Variants in IL34 observed in about 807,000 individuals in gnomAD.
IL34 encodes interleukin-34.
Under a neutral mutation model 25.3 loss-of-function variants are expected in IL34, and 17 were observed. The observed-to-expected ratio is 0.67, with a 90% CI of 0.46 to 1.01. The LOEUF is 1.01. Among genes scored for constraint, IL34 ranks in the 50% least tolerant of loss-of-function variants. The pLI is 0.00. For synonymous variants in IL34, 174 were observed against 140.9 expected (o/e 1.23, Z -1.66); for missense variants, 368 against 312.9 (o/e 1.18, Z -1.33).
intron 1 of IL34, among the ~76,000 whole-genome samples, chr16:70,625,467 G>T (rs554197733): frequency 6.6e-6 from 1 of 152,094 alleles, no homozygotes; most frequent in Admixed American, 6.5e-5. Context: ...GGGGTTGAGG[G>T]GTACTTGCCC....
In IL34 at chr16:70,646,983, C is replaced by T. The variant is rs2051949908; in HGVS notation, c.28+8C>T. ...GCTTCACCTGGCTGCGCTGTGAGTA[C>T]TGGGGGGTCCCTAGGGACCTGCATT... On this transcript the variant is annotated splice_region_variant and intron_variant, in intron 1 of 5. Coordinates refer to ENST00000288098, the MANE Select transcript of IL34 (RefSeq NM_001393494.1). 2 of 1,454,852 alleles carry T rather than the reference C, an allele frequency of 1.4e-6. No homozygotes were observed. The highest frequency in any genetic ancestry group is 1.8e-6 in the Non-Finnish European group (2 of 1,112,348). The allele number at this position is 1,454,852 out of a possible 1,614,324, so 90.1% of individuals were successfully genotyped here. A position where few individuals can be genotyped will look rare whatever the true frequency, so the allele number is the denominator to read the frequency against.
At chr16:70,623,937 T>G (rs963663273) in intron 1 of IL34, among the ~76,000 whole-genome samples, 1 of 140,760 alleles carries the variant, frequency 7.1e-6, no homozygotes, top group African/African-American at 2.6e-5. Context: ...TAATGTGGAG[T>G]GGGTAGCCTC....
chr16:70,595,305 CCTT>C (rs956462558), intron 1 of IL34, among the ~76,000 whole-genome samples: 6 of 151,334 alleles, frequency 4.0e-5, no homozygotes, highest in African/African-American at 7.3e-5. Context: ...GTTTTCTTCT[CCTT>C]CTTCTTTCTC....
At chr16:70,623,714 G>A (rs2051327858) in intron 1 of IL34, among the ~76,000 whole-genome samples, 1 of 151,782 alleles carries the variant, frequency 6.6e-6, no homozygotes, top group Non-Finnish European at 1.5e-5. Context: ...AGATGTAGCT[G>A]TAGTCCAGGA....
At chr16:70,652,134 A>T (rs539853069) in intron 1 of IL34, among the ~76,000 whole-genome samples, 69 of 151,794 alleles carry the variant, frequency 4.5e-4, no homozygotes, top group South Asian at 1.2e-3. Flanking sequence ...TCTCAAAAAA[A>T]AAATAAATAA....
upstream of IL34, among the ~76,000 whole-genome samples, chr16:70,644,918 A>G (rs867197464): frequency 4.2e-3 from 354 of 85,234 alleles, 4 homozygotes; most frequent in South Asian, 0.012. Flanking sequence ...GAGGGAGGAG[A>G]AGGAGGAGGA....
chr16:70,607,957 G>A (rs191583980), intron 1 of IL34, among the ~76,000 whole-genome samples: 3 of 151,702 alleles, frequency 2.0e-5, no homozygotes, highest in South Asian at 4.2e-4. Context: ...TAGTAGAGAC[G>A]GGGTTTTGCC....
chr16:70,587,462 G>A (rs1393488941), intron 1 of IL34, among the ~76,000 whole-genome samples: 3 of 151,826 alleles, frequency 2.0e-5, no homozygotes, highest in Non-Finnish European at 2.9e-5. Context: ...TAGTAGAGAC[G>A]GGGTTTCACC....
chr16:70,617,474 G>A (rs1158259388), intron 1 of IL34, among the ~76,000 whole-genome samples: 1 of 152,136 alleles, frequency 6.6e-6, no homozygotes, highest in Non-Finnish European at 1.5e-5. Flanking sequence ...AAGATAGTAG[G>A]GATGACAAGT....
intron 2 of IL34, among the ~76,000 whole-genome samples, chr16:70,656,291 C>A (rs2052217003): frequency 6.6e-6 from 1 of 152,088 alleles, no homozygotes; most frequent in Non-Finnish European, 1.5e-5. Flanking sequence ...AACCCCAGCA[C>A]TTTGAGGGGC....
intron 1 of IL34, among the ~76,000 whole-genome samples, chr16:70,611,066 T>C (rs1394845700): frequency 1.3e-5 from 2 of 152,182 alleles, no homozygotes; most frequent in Non-Finnish European, 2.9e-5. Context: ...GCAACCTCCA[T>C]GTCCCTGGTT....
At chr16:70,607,102 C>G (rs922605385) in intron 1 of IL34, among the ~76,000 whole-genome samples, 9 of 151,818 alleles carry the variant, frequency 5.9e-5, no homozygotes, top group South Asian at 2.1e-4. Flanking sequence ...ATTTTGTTTT[C>G]TTTTCTTTTC....
Position 70,646,835 on chromosome 16 carries a change from C to G in IL34, c.-113C>G. Reference sequence around the variant, plus strand: ...CCACTCCTCCAGGGCCAGCCCTTCCCTGACTGAGTGACCACCTCTGCTGCC... The same window carrying G: ...CCACTCCTCCAGGGCCAGCCCTTCCGTGACTGAGTGACCACCTCTGCTGCC... On this transcript the variant is annotated 5_prime_UTR_variant, in exon 1 of 6. Coordinates refer to ENST00000288098, the MANE Select transcript of IL34 (RefSeq NM_001393494.1). The G allele has an allele frequency of 1.9e-6, 2 of 1,070,762 alleles. No homozygotes were observed. The highest frequency in any genetic ancestry group is 2.6e-6 in the Non-Finnish European group (2 of 776,672). The allele number at this position is 1,070,762 out of a possible 1,614,324, so 66.3% of individuals were successfully genotyped here.
chr16:70,604,082 A>G (rs2050960796), intron 1 of IL34, among the ~76,000 whole-genome samples: 2 of 152,216 alleles, frequency 1.3e-5, no homozygotes, highest in Admixed American at 6.5e-5. Flanking sequence ...ATGTGAAACT[A>G]TGAATGAATG....
chr16:70,643,342 G>C (rs371347064), upstream of IL34, among the ~76,000 whole-genome samples: 8 of 152,234 alleles, frequency 5.3e-5, no homozygotes, highest in East Asian at 1.2e-3. Context: ...GGGATGACAG[G>C]AGTGAGCCAC....
At chr16:70,615,115 C>A (rs2051153321) in intron 1 of IL34, among the ~76,000 whole-genome samples, 1 of 152,198 alleles carries the variant, frequency 6.6e-6, no homozygotes, top group Non-Finnish European at 1.5e-5. Context: ...CCCCCCAAAT[C>A]TCTGGACTTA....
At chr16:70,582,875 G>T (rs534958985) in intron 1 of IL34, among the ~76,000 whole-genome samples, 3 of 152,178 alleles carry the variant, frequency 2.0e-5, no homozygotes, top group African/African-American at 7.2e-5. Flanking sequence ...ATGGCTCCAT[G>T]CTTAAGGATG....
intron 1 of IL34, among the ~76,000 whole-genome samples, chr16:70,598,366 A>G (rs950849138): frequency 6.6e-6 from 1 of 152,132 alleles, no homozygotes; most frequent in African/African-American, 2.4e-5. Flanking sequence ...TATTTCATAA[A>G]GTAATGTTTT....
chr16:70,625,076 C>A (rs777657577), intron 1 of IL34, among the ~76,000 whole-genome samples: 2 of 151,998 alleles, frequency 1.3e-5, no homozygotes, highest in East Asian at 3.9e-4. Flanking sequence ...ATTCAAAGTG[C>A]CATTTTTTGG....
Sources: gnomAD v4.1 joint callset for allele counts (sites outside exome capture counted in the v4.1 genomes callset) on GRCh38, gnomAD v4.1.1 for gene constraint, MANE v1.5 for transcripts, NCBI Gene and HGNC (gene_info 2026-07-23, HGNC 2026-07-21) for gene names.